FAM13B: variants seen among roughly 807,000 people sequenced by gnomAD.
FAM13B encodes family with sequence similarity 13 member B.
A neutral mutation model predicts 117.3 loss-of-function variants in FAM13B; 60 were observed. The ratio of observed to expected loss-of-function variants is 0.51; its 90% CI spans 0.42 to 0.63. The LOEUF (loss-of-function observed/expected upper bound fraction) is 0.63, where lower values mean the gene tolerates loss of function less well. Among genes scored for constraint, FAM13B ranks in the 30% least tolerant of loss-of-function variants. FAM13B has a pLI of 0.00. For missense variants in FAM13B, 972 were observed against 1,091.9 expected (o/e 0.89, Z 1.55); for synonymous variants, 332 against 356.1 (o/e 0.93, Z 0.76).
chr5:138,045,664 AT>A (rs1791620476), intron 1 of FAM13B, among the ~76,000 whole-genome samples: 1 of 152,166 alleles, frequency 6.6e-6, no homozygotes, highest in Admixed American at 6.5e-5. Flanking sequence ...AAAGTTCAAA[AT>A]CAGACAAAAC....
chr5:137,940,392 G>GA (rs757779994), intron 23 of FAM13B, 44 bp from the exon 24 acceptor site: 22 of 1,430,100 alleles, frequency 1.5e-5, no homozygotes, highest in Non-Finnish European at 1.9e-5. Context: ...AGATCATTTG[G>GA]AAAAAAAGAT....
chr5:138,010,873 C>T lies in FAM13B; in HGVS notation c.690+135G>A, dbSNP rs982925023. 5.4e-6 allele frequency: 5 copies of T among 917,484 alleles called. No individual in the cohort carries two copies. The African/African-American group carries it at 9.1e-5, about 17-fold the overall frequency. The allele number at this position is 917,484 out of a possible 1,614,324, so 56.8% of individuals were successfully genotyped here. ...TCATGAATGTGCCACCTACTGATTA[C>T]ATATAATAACCAAGATAATTACTTC... On this transcript the variant is annotated intron_variant, in intron 6 of 23. Coordinates refer to ENST00000689681, the MANE Select transcript of FAM13B (RefSeq NM_001385994.1).
At chr5:137,948,024 C>G (rs1300827225) in intron 18 of FAM13B, among the ~76,000 whole-genome samples, 1 of 151,996 alleles carries the variant, frequency 6.6e-6, no homozygotes, top group Non-Finnish European at 1.5e-5. Flanking sequence ...GATAAGAGTT[C>G]CACATTAGGA....
chr5:138,049,915 T>G (rs1237190858), intron 1 of FAM13B, among the ~76,000 whole-genome samples: 4 of 152,006 alleles, frequency 2.6e-5, no homozygotes, highest in Non-Finnish European at 5.9e-5. Context: ...TGCCTGAGAC[T>G]AGGAGTTAGA....
intron 7 of FAM13B, among the ~76,000 whole-genome samples, chr5:137,990,581 TAGGTAA>T (rs1404729967): frequency 6.6e-6 from 1 of 152,120 alleles, no homozygotes; most frequent in African/African-American, 2.4e-5. Flanking sequence ...AAAATGTTAG[TAGGTAA>T]ATGGATACAA....
intron 10 of FAM13B, among the ~76,000 whole-genome samples, chr5:137,963,777 T>C (rs1415213603): frequency 1.3e-5 from 2 of 152,194 alleles, no homozygotes; most frequent in African/African-American, 2.4e-5. Context: ...GTGCTGGCAT[T>C]AGATTCTCAG....
At chr5:137,942,766 ATTC>A in intron 22 of FAM13B, 106 bp downstream of exon 22, 1 of 902,084 alleles carries the variant, frequency 1.1e-6, no homozygotes, top group Non-Finnish European at 1.6e-6. Context: ...CCTTTGATAA[ATTC>A]TTGATTCATC....
At chr5:138,009,674 GAGCGCCTGTCATCCC>G (rs1783463187) in intron 6 of FAM13B, among the ~76,000 whole-genome samples, 1 of 151,752 alleles carries the variant, frequency 6.6e-6, no homozygotes. Context: ...GCATGGTGGC[GAGCGCCTGTCATCCC>G]AGCTACTCGA....
intron 1 of FAM13B, among the ~76,000 whole-genome samples, chr5:138,027,438 A>G (rs1330231790): frequency 1.3e-5 from 2 of 152,204 alleles, no homozygotes; most frequent in Admixed American, 1.3e-4. Context: ...CAAAACTAAA[A>G]GAAAATAAAC....
chr5:137,951,294 G>C (rs899572945), intron 17 of FAM13B, among the ~76,000 whole-genome samples: 2 of 151,590 alleles, frequency 1.3e-5, no homozygotes, highest in Non-Finnish European at 2.9e-5. Context: ...TGACAGCAGG[G>C]ACTCTGTCTG....
intron 13 of FAM13B, among the ~76,000 whole-genome samples, chr5:137,959,026 T>C (rs189944495): frequency 6.6e-6 from 1 of 152,184 alleles, no homozygotes; most frequent in Non-Finnish European, 1.5e-5. Flanking sequence ...AACACAAAAA[T>C]CTATGTATTT....
At chr5:137,968,278 A>C (rs548425709) in intron 10 of FAM13B, among the ~76,000 whole-genome samples, 2 of 151,850 alleles carry the variant, frequency 1.3e-5, no homozygotes, top group East Asian at 3.9e-4. Context: ...CACTAAAAAA[A>C]AAAAGTACAA....
At chr5:138,049,759 A>C (rs1353803688) in intron 1 of FAM13B, among the ~76,000 whole-genome samples, 1 of 152,174 alleles carries the variant, frequency 6.6e-6, no homozygotes, top group Non-Finnish European at 1.5e-5. Flanking sequence ...GTTTGTGGGC[A>C]CTTATAACCC....
At chr5:138,051,415 T>C (rs888725625) in intron 1 of FAM13B, among the ~76,000 whole-genome samples, 1 of 152,226 alleles carries the variant, frequency 6.6e-6, no homozygotes, top group Non-Finnish European at 1.5e-5. Flanking sequence ...TATAAAAATA[T>C]ATGAGAATGA....
intron 10 of FAM13B, among the ~76,000 whole-genome samples, chr5:137,976,717 C>T (rs961456869): frequency 1.4e-4 from 22 of 152,222 alleles, no homozygotes; most frequent in South Asian, 4.2e-4. Flanking sequence ...ATTTCATGGA[C>T]GCTTATCACC....
At chr5:138,028,973 C>T (rs1480341139) in intron 1 of FAM13B, among the ~76,000 whole-genome samples, 1 of 152,066 alleles carries the variant, frequency 6.6e-6, no homozygotes, top group Non-Finnish European at 1.5e-5. Flanking sequence ...GAGCCGAGAT[C>T]GCCGCCATTG....
At chr5:137,940,591 A>AC (rs1224775905) in intron 23 of FAM13B, 41 of 373,220 alleles carry the variant, frequency 1.1e-4, no homozygotes, top group Non-Finnish European at 2.0e-4. Flanking sequence ...ATCAACATAG[A>AC]TAACTGGAGG....
At chr5:137,993,215 G>A (rs1249167344) in intron 7 of FAM13B, among the ~76,000 whole-genome samples, 1 of 152,212 alleles carries the variant, frequency 6.6e-6, no homozygotes, top group East Asian at 1.9e-4. Context: ...AGGATTTTGA[G>A]AGCCACTGGG....
intron 13 of FAM13B, among the ~76,000 whole-genome samples, chr5:137,957,438 G>T (rs1766897006): frequency 6.6e-6 from 1 of 151,646 alleles, no homozygotes; most frequent in Admixed American, 6.6e-5. Flanking sequence ...TACTCAGGAG[G>T]CTGAGGCAGG....
Sources: gnomAD v4.1 joint callset for allele counts (sites outside exome capture counted in the v4.1 genomes callset) on GRCh38, gnomAD v4.1.1 for gene constraint, MANE v1.5 for transcripts, NCBI Gene and HGNC (gene_info 2026-07-23, HGNC 2026-07-21) for gene names.